MACF1: variants seen among roughly 807,000 people sequenced by gnomAD.
MACF1 encodes the protein microtubule-actin cross-linking factor 1.
Under a neutral mutation model 854.8 loss-of-function variants are expected in MACF1, and 193 were observed. The ratio of observed to expected loss-of-function variants is 0.23; its 90% CI spans 0.20 to 0.25. The LOEUF is 0.25. Among genes scored for constraint, MACF1 ranks in the 10% least tolerant of loss-of-function variants. The pLI is 1.00. For synonymous variants in MACF1, 3,185 were observed against 3,226.7 expected, an observed-to-expected ratio of 0.99 and a Z score of 0.44; for missense variants, 7,722 against 8,929.1, an observed-to-expected ratio of 0.86 and a Z score of 5.45.
At chr1:39,258,175 A>G in intron 6 of MACF1, 147 bp downstream of exon 6, 1 of 714,974 alleles carries the variant, frequency 1.4e-6, no homozygotes, top group Non-Finnish European at 2.5e-6. Flanking sequence ...GAAAATTAAG[A>G]TTGATCTGCA....
chr1:39,303,069 T>C lies in MACF1; in HGVS notation c.2780T>C (p.Met927Thr). Reference sequence around the variant, plus strand: ...CCACCCAATAAGGATGCCATTGAGATGGCCAGCAGGTAACTTGGCTCAGCT... The same window carrying C: ...CCACCCAATAAGGATGCCATTGAGACGGCCAGCAGGTAACTTGGCTCAGCT... ...IPPPNKDAIEMASRVEQSYQK... is the reference protein window; with the variant it reads ...IPPPNKDAIETASRVEQSYQK... Residue 927 changes from methionine to threonine, a missense_variant, in exon 23 of 101, where the codon ATG (methionine) becomes ACG (threonine). Physicochemically the swap from Met to Thr is moderately conservative, Grantham distance 81. This residue lies in a region of MACF1 where 1,137 missense variants were observed against 1,263.0 expected (regional missense o/e 0.90). Coordinates refer to ENST00000564288, the MANE Select transcript of MACF1 (RefSeq NM_001394062.1). The C allele has an allele frequency of 6.2e-7, 1 of 1,613,724 alleles. No individual in the cohort carries two copies.
intron 19 of MACF1, 60 bp from the exon 20 acceptor site, chr1:39,295,727 C>T (rs184455180): frequency 5.0e-5 from 60 of 1,211,828 alleles, no homozygotes; most frequent in Admixed American, 1.2e-4. Flanking sequence ...AATAGTATTG[C>T]GCATATATAT....
intron 58 of MACF1, among the ~76,000 whole-genome samples, chr1:39,400,650 G>C (rs1642442772): frequency 6.6e-6 from 1 of 152,014 alleles, no homozygotes; most frequent in Non-Finnish European, 1.5e-5. Context: ...TGGGATTACA[G>C]GCATGCACCA....
At chr1:39,127,559 C>T (rs765108829) in intron 2 of MACF1, among the ~76,000 whole-genome samples, 6 of 152,168 alleles carry the variant, frequency 3.9e-5, no homozygotes, top group Admixed American at 2.0e-4. Flanking sequence ...GTAGAGCAGT[C>T]ATTTATGTGT....
At position 39,382,095 on chromosome 1, in the gene MACF1, G is replaced by T. The variant is rs1178947784; in HGVS notation, c.13791G>T (p.Val4597=). Residue 4597 remains valine (V), a synonymous_variant, in exon 56 of 101, where the codon GTG becomes GTT. Coordinates refer to ENST00000564288, the MANE Select transcript of MACF1 (RefSeq NM_001394062.1). ...TGGAGAAAGAACTGATGATGGGAGT[G>T]CTGGGGCCCCTGTCTATTGACCCCA... ...WLMEKELMMG[V]LGPLSIDPNM... The T allele has an allele frequency of 6.2e-7, 1 of 1,614,136 alleles. No individual in the cohort carries two copies. The highest frequency in any genetic ancestry group is 8.5e-7 in the Non-Finnish European group (1 of 1,180,034).
intron 58 of MACF1, 106 bp downstream of exon 58, chr1:39,388,764 T>C (rs1211813465): frequency 7.5e-6 from 8 of 1,061,196 alleles, no homozygotes; most frequent in African/African-American, 1.6e-5. Flanking sequence ...GTTTTATTAT[T>C]GTCACTTCCA....
At chr1:39,408,936 C>T (rs1642841446) in intron 58 of MACF1, among the ~76,000 whole-genome samples, 1 of 150,852 alleles carries the variant, frequency 6.6e-6, no homozygotes, top group African/African-American at 2.5e-5. Context: ...GCCCCGCCCC[C>T]GCCGGGCCCC....
In MACF1 at chr1:39,444,851, C is replaced by T; in HGVS notation, c.19605+16C>T. On this transcript the variant is annotated intron_variant, in intron 80 of 100. Transcript: ENST00000564288. ...AGAAAGAAAGGTACAGTGTATGATC[C>T]CCATGTTTGAGTAATTTGCTGAGTG... 1 of 1,558,276 alleles carries T rather than the reference C, an allele frequency of 6.4e-7. No individual in the cohort carries two copies. The highest frequency in any genetic ancestry group is 2.3e-5 in the East Asian group (1 of 43,750).
rs1474598164 is a variant in MACF1, at chr1:39,448,688, A to T, written c.20183A>T (p.Asp6728Val). The change falls in exon 84 of 101, where the codon GAT (aspartate) becomes GTT (valine). Residue 6728 changes from aspartate (D) to valine (V), a missense_variant. Transcript: ENST00000564288. Reference sequence around the variant, plus strand: ...AAAGAAAAGACTTTGCTTCCCGAAGATAGTCAGAAACTTGACAATTTCCTA... The same window carrying T: ...AAAGAAAAGACTTTGCTTCCCGAAGTTAGTCAGAAACTTGACAATTTCCTA... ...ALKEKTLLPE[D>V]SQKLDNFLGE... 6.2e-7 allele frequency: 1 copy of T among 1,613,558 alleles called. No homozygotes were observed. Among genetic ancestry groups the T allele is most frequent in the Non-Finnish European group, 8.5e-7 (1 of 1,179,704 alleles).
chr1:39,377,738 T>C (rs1355292682), intron 52 of MACF1, among the ~76,000 whole-genome samples: 1 of 152,210 alleles, frequency 6.6e-6, no homozygotes, highest in Non-Finnish European at 1.5e-5. Flanking sequence ...GCACGGTGAC[T>C]CATGCCTATA....
In MACF1 at chr1:39,334,563, G is replaced by A. The variant is rs375837044; in HGVS notation, c.7975G>A (p.Val2659Met). Residue 2659 changes from valine (V) to methionine (M), a missense_variant, in exon 37 of 101, where the codon GTG (valine) becomes ATG (methionine). Coordinates refer to ENST00000564288, the MANE Select transcript of MACF1 (RefSeq NM_001394062.1). The part of the protein sequence containing the change: ...VIPFSDIKDG[V>M]SDKVLTLSQA... ...TCCCTTCTCAGACATTAAAGATGGG[G>A]TGAGCGACAAAGTGCTTACATTGTC... 3 of 1,614,006 alleles carry A rather than the reference G, an allele frequency of 1.9e-6. No individual in the cohort carries two copies. The highest frequency in any genetic ancestry group is 2.5e-6 in the Non-Finnish European group (3 of 1,180,030).
At chr1:39,456,731 AGTT>A (rs985283487) in intron 89 of MACF1, 1 of 152,208 alleles carries the variant, frequency 6.6e-6, no homozygotes, top group African/African-American at 2.4e-5. Flanking sequence ...TCCAACCCAG[AGTT>A]CCCCTCCTTT....
intron 2 of MACF1, among the ~76,000 whole-genome samples, chr1:39,185,185 G>A (rs753460973): frequency 5.3e-5 from 8 of 152,016 alleles, no homozygotes; most frequent in Non-Finnish European, 1.2e-4. Context: ...CCAGCTACAC[G>A]GGAGGCTGAG....
chr1:39,145,665 CT>C (rs1643447490), intron 2 of MACF1, among the ~76,000 whole-genome samples: 1 of 152,182 alleles, frequency 6.6e-6, no homozygotes, highest in Admixed American at 6.5e-5. Context: ...TCAGCAGCCT[CT>C]TTTTGTTCTC....
At chr1:39,480,513 C>T (rs1001005945) in intron 98 of MACF1, among the ~76,000 whole-genome samples, 12 of 152,116 alleles carry the variant, frequency 7.9e-5, no homozygotes, top group Admixed American at 2.0e-4. Context: ...CCTATAGTCC[C>T]AGCTACTCAG....
chr1:39,459,953 A>G, intron 91 of MACF1: 1 of 632,158 alleles, frequency 1.6e-6, no homozygotes, highest in South Asian at 1.7e-5. Context: ...CCAAGGGGAA[A>G]CTGCTGCACT....
intron 14 of MACF1, 75 bp downstream of exon 14, chr1:39,285,833 G>A: frequency 1.3e-6 from 2 of 1,521,288 alleles, no homozygotes; most frequent in Non-Finnish European, 1.8e-6. Flanking sequence ...TAGAGCAAGA[G>A]TCAGGCACTT....
intron 23 of MACF1, among the ~76,000 whole-genome samples, chr1:39,307,897 C>CTTTTTT (rs1646217452): frequency 1.0e-5 from 1 of 96,216 alleles, no homozygotes; most frequent in African/African-American, 3.9e-5. Flanking sequence ...TTCTTTCTTT[C>CTTTTTT]TTTCTTTTTT....
chr1:39,272,940 T>C (rs1350421649), intron 6 of MACF1, among the ~76,000 whole-genome samples: 4 of 152,090 alleles, frequency 2.6e-5, no homozygotes, highest in African/African-American at 9.7e-5. Flanking sequence ...GGCCTTCTTC[T>C]CTGGCCCATT....
Sources: allele counts gnomAD v4.1 joint callset (sites outside exome capture counted in the v4.1 genomes callset), GRCh38; gene constraint gnomAD v4.1.1; regional missense constraint gnomAD v4.1.1; transcripts MANE v1.5; gene names NCBI Gene and HGNC (gene_info 2026-07-23, HGNC 2026-07-21).